Variants in ZCCHC4 observed in about 807,000 individuals in gnomAD.
ZCCHC4 encodes rRNA N(6)-adenosine-methyltransferase ZCCHC4.
A neutral mutation model predicts 67.7 loss-of-function variants in ZCCHC4; 54 were observed. That is an observed-to-expected ratio of 0.80 (90% CI 0.64 to 1.00). The LOEUF (loss-of-function observed/expected upper bound fraction) is 1.00. Among genes scored for constraint, ZCCHC4 ranks in the 50% least tolerant of loss-of-function variants. The pLI, the probability that ZCCHC4 is intolerant of heterozygous loss-of-function variation, is 0.00. For synonymous variants in ZCCHC4, 198 were observed against 213.5 expected, an observed-to-expected ratio of 0.93 and a Z score of 0.63; for missense variants, 609 against 617.0, an observed-to-expected ratio of 0.99 and a Z score of 0.14.
intron 4 of ZCCHC4, 39 bp downstream of exon 4, chr4:25,333,497 A>G (rs377004168): frequency 2.5e-5 from 40 of 1,596,600 alleles, no homozygotes; most frequent in South Asian, 2.1e-4. Flanking sequence ...TCTTCTCACC[A>G]CTATTGAAAC....
rs1301076803 is a variant in ZCCHC4 at position 25,370,225 on chromosome 4, C to G, written c.*1061C>G. ...ATAGTTTGGTAATTAAACGCCCAAA[C>G]TAAACTCCTCATTCCTACCCTTAAT... On this transcript the variant is annotated 3_prime_UTR_variant, in exon 13 of 13. Transcript: ENST00000302874. The G allele has an allele frequency of 6.6e-6, 1 of 152,168 alleles. No individual in the cohort carries two copies. Among genetic ancestry groups the G allele is most frequent in the Non-Finnish European group, 1.5e-5 (1 of 68,028 alleles). 9.4% of individuals were successfully genotyped at this position (152,168 alleles called of 1,614,324 possible). A position where few individuals can be genotyped will look rare whatever the true frequency, so the allele number is the denominator to read the frequency against.
chr4:25,338,247 C>A (rs1719562353), intron 5 of ZCCHC4, among the ~76,000 whole-genome samples: 2 of 152,128 alleles, frequency 1.3e-5, no homozygotes, highest in Non-Finnish European at 2.9e-5. Context: ...GCGTGTGCCA[C>A]CACACCCAGT....
rs1401187326 is a variant in ZCCHC4, at chr4:25,315,364, G to A, written c.293G>A (p.Cys98Tyr). Residue 98 changes from cysteine (C) to tyrosine (Y), a missense_variant, in exon 3 of 13, where the codon TGT becomes TAT. Physicochemically the swap from Cys to Tyr is radical, Grantham distance 194. Transcript: ENST00000302874. ...LAAREAHNRR[C>Y]QPPLSRTQCV... is the part of the protein sequence containing the mutation. ...GCCCGAGAAGCTCATAACCGAAGAT[G>A]TCAGCCTCCCCTGTCCCGAACGCAG... 1 of 1,613,074 alleles carries A rather than the reference G, an allele frequency of 6.2e-7. No individual in the cohort carries two copies. The highest frequency in any genetic ancestry group is 2.2e-5 in the East Asian group (1 of 44,844).
At chr4:25,367,684 T>C (rs1422258490) in intron 12 of ZCCHC4, among the ~76,000 whole-genome samples, 1 of 152,244 alleles carries the variant, frequency 6.6e-6, no homozygotes, top group Non-Finnish European at 1.5e-5. Flanking sequence ...CTACTCCTTC[T>C]GTAGACTGTT....
chr4:25,362,396 A>G (rs1282577972), intron 10 of ZCCHC4, 95 bp downstream of exon 10: 2 of 775,250 alleles, frequency 2.6e-6, no homozygotes, highest in Admixed American at 3.2e-5. Context: ...TTTTGTTAAT[A>G]GGATTTGTAT....
chr4:25,345,656 T>C, intron 6 of ZCCHC4, 36 bp downstream of exon 6: 1 of 1,385,764 alleles, frequency 7.2e-7, no homozygotes, highest in Non-Finnish European at 1.0e-6. Context: ...TGTTCTCTTA[T>C]TGTGGAATAA....
chr4:25,319,323 T>C (rs1488213337), intron 3 of ZCCHC4, among the ~76,000 whole-genome samples: 1 of 151,732 alleles, frequency 6.6e-6, no homozygotes, highest in Non-Finnish European at 1.5e-5. Context: ...AGGCAGAGCT[T>C]GTAGCGAGCC....
chr4:25,333,451 A>G lies in ZCCHC4; in HGVS notation c.598A>G (p.Thr200Ala). Residue 200 changes from threonine (T) to alanine (A), a missense_variant, in exon 4 of 13, where the codon ACA becomes GCA. Physicochemically the swap from Thr to Ala is moderately conservative, Grantham distance 58. Transcript: ENST00000302874. Reference sequence around the variant, plus strand: ...ATTCAGAAGAGTACTGTGTGTTGGAACACCAAGGTATGTCATGTGATTTTT... The same window carrying G: ...ATTCAGAAGAGTACTGTGTGTTGGAGCACCAAGGTATGTCATGTGATTTTT... ...LGFRRVLCVG[T>A]PRLHELIKLT... The G allele has an allele frequency of 6.2e-7, 1 of 1,613,902 alleles. No individual in the cohort carries two copies. Among genetic ancestry groups the G allele is most frequent in the Non-Finnish European group, 8.5e-7 (1 of 1,179,846 alleles).
chr4:25,339,754 G>T (rs1476818531), intron 5 of ZCCHC4, among the ~76,000 whole-genome samples: 1 of 152,042 alleles, frequency 6.6e-6, no homozygotes, highest in Non-Finnish European at 1.5e-5. Context: ...TCAGTTGCTT[G>T]TGTGTTAGGT....
chr4:25,368,548 C>G (rs923767942), intron 12 of ZCCHC4, among the ~76,000 whole-genome samples: 1 of 152,158 alleles, frequency 6.6e-6, no homozygotes, highest in Non-Finnish European at 1.5e-5. Flanking sequence ...AAAGGAAAAT[C>G]TGTACGACTT....
At position 25,359,626 on chromosome 4, in the gene ZCCHC4, C is replaced by T. The variant is rs79618473; in HGVS notation, c.1012-2233C>T. On this transcript the variant is annotated intron_variant, in intron 8 of 12. Transcript: ENST00000302874. This position sits in a 1 kb window ranked among gnomAD's most constrained non-coding sequence, Gnocchi z 4.9. ...AGGGGGTCCCAATGAGTGACATGCT[C>T]ACAGATGTGGATAGATTTGATTTTG... 0.011 allele frequency among the ~76,000 whole-genome samples: 1,660 copies of T among 152,292 alleles called. 32 individuals carry two copies. The highest frequency in any genetic ancestry group is 0.038 in the African/African-American group (1,594 of 41,546).
At chr4:25,323,124 A>C (rs1718672497) in intron 3 of ZCCHC4, among the ~76,000 whole-genome samples, 1 of 152,208 alleles carries the variant, frequency 6.6e-6, no homozygotes, top group Admixed American at 6.5e-5. Flanking sequence ...GCTCCCCATC[A>C]GCCCTTTGTC....
At chr4:25,351,724 G>A (rs1720307726) in intron 8 of ZCCHC4, 35 bp downstream of exon 8, 1 of 1,514,906 alleles carries the variant, frequency 6.6e-7, no homozygotes, top group Non-Finnish European at 9.1e-7. Flanking sequence ...GCATGGTTGG[G>A]GAATGGAGAT....
intron 8 of ZCCHC4, chr4:25,361,587 GGCTTGCACCCACA>G: frequency 2.5e-6 from 1 of 395,734 alleles, no homozygotes; most frequent in Non-Finnish European, 4.6e-6. Flanking sequence ...CACCCATGTG[GGCTTGCACCCACA>G]GCTTGCGCCC....
chr4:25,366,041 T>G (rs1222381656), intron 12 of ZCCHC4: 41 of 977,592 alleles, frequency 4.2e-5, no homozygotes, highest in Non-Finnish European at 4.6e-5. Context: ...ACCATGTGAC[T>G]ATGACTTGTA....
intron 8 of ZCCHC4, among the ~76,000 whole-genome samples, chr4:25,351,922 G>T (rs1319267373): frequency 6.6e-6 from 1 of 152,114 alleles, no homozygotes; most frequent in Non-Finnish European, 1.5e-5. Flanking sequence ...AGAGGACAAA[G>T]CCCCAAGAAA....
chr4:25,331,763 C>T (rs1214814274), intron 3 of ZCCHC4, among the ~76,000 whole-genome samples: 1 of 152,112 alleles, frequency 6.6e-6, no homozygotes, highest in African/African-American at 2.4e-5. Context: ...CTTCTAATAT[C>T]CCTCTATCTC....
Position 25,336,550 on chromosome 4 carries a change from G to A in ZCCHC4, c.686+2562G>A, listed in dbSNP as rs954424322. 7.9e-5 allele frequency among the ~76,000 whole-genome samples: 12 copies of A among 152,110 alleles called. No individual in the cohort carries two copies. The East Asian group carries it at 1.5e-3, about 20-fold the overall frequency. ...CACCCAGGCTGGAGTGCAATGGTGC[G>A]ATCTCAGCTCACTGTAACCACTGCC... On this transcript the variant is annotated intron_variant, in intron 5 of 12. Coordinates refer to ENST00000302874, the MANE Select transcript of ZCCHC4 (RefSeq NM_024936.3).
intron 3 of ZCCHC4, among the ~76,000 whole-genome samples, chr4:25,318,376 G>GTT (rs1718393860): frequency 1.2e-5 from 1 of 83,682 alleles, no homozygotes; most frequent in Non-Finnish European, 2.1e-5. Flanking sequence ...TTTTTTTTGA[G>GTT]CTACAGTTTC....
Sources: gnomAD v4.1 joint callset for allele counts (sites outside exome capture counted in the v4.1 genomes callset) on GRCh38, gnomAD v4.1.1 for gene constraint, Gnocchi (gnomAD v3.1) non-coding constraint, MANE v1.5 for transcripts, NCBI Gene and HGNC (gene_info 2026-07-23, HGNC 2026-07-21) for gene names.